Variants in C6 observed in about 807,000 individuals in gnomAD.
C6 encodes complement C6, also known as complement component C6.
In C6, 101 loss-of-function variants were observed where a neutral mutation model predicts 112.9. The ratio of observed to expected loss-of-function variants is 0.89; its 90% CI spans 0.76 to 1.06. The LOEUF (loss-of-function observed/expected upper bound fraction) is 1.06, where lower values mean the gene tolerates loss of function less well. Ranked by LOEUF, C6 falls within the 50% of genes least tolerant of loss-of-function variation. The pLI is 0.00. For missense variants in C6, 1,202 were observed against 1,104.6 expected (o/e 1.09, Z -1.25); for synonymous variants, 431 against 384.1 (o/e 1.12, Z -1.43).
chr5:41,254,687 T>A (rs969080391), intron 1 of C6, among the ~76,000 whole-genome samples: 1 of 152,198 alleles, frequency 6.6e-6, no homozygotes, highest in Admixed American at 6.5e-5. Flanking sequence ...TGTTAAGTGA[T>A]CCCTATAGAA....
chr5:41,238,484 C>A (rs143982190), intron 1 of C6, among the ~76,000 whole-genome samples: 3 of 151,994 alleles, frequency 2.0e-5, no homozygotes, highest in Non-Finnish European at 2.9e-5. Context: ...TTAACCCAGG[C>A]GAAGAGGAGA....
chr5:41,230,769 T>G (rs1410661449), intron 1 of C6, among the ~76,000 whole-genome samples: 2 of 152,170 alleles, frequency 1.3e-5, no homozygotes, highest in African/African-American at 4.8e-5. Context: ...ATCACAGTCC[T>G]ACCAATATGT....
intron 1 of C6, among the ~76,000 whole-genome samples, chr5:41,207,859 A>G (rs570864320): frequency 6.6e-6 from 1 of 152,324 alleles, no homozygotes; most frequent in East Asian, 1.9e-4. Flanking sequence ...AATTGAACTC[A>G]GCTCTGCACC....
At chr5:41,171,901 A>T (rs1748453124) in intron 9 of C6, among the ~76,000 whole-genome samples, 1 of 152,084 alleles carries the variant, frequency 6.6e-6, no homozygotes, top group African/African-American at 2.4e-5. Flanking sequence ...ATGGATGTTT[A>T]TATGTTTCTT....
chr5:41,235,154 C>G (rs1359174436), intron 1 of C6, among the ~76,000 whole-genome samples: 1 of 145,018 alleles, frequency 6.9e-6, no homozygotes, highest in African/African-American at 2.6e-5. Context: ...CATACATGTG[C>G]CATGCTGGTG....
At position 41,203,241 on chromosome 5, in the gene C6, C is replaced by T. The variant is rs1751175467; in HGVS notation, c.-11G>A. 2 of 1,613,788 alleles carry T rather than the reference C, an allele frequency of 1.2e-6. No homozygotes were observed. Among genetic ancestry groups the T allele is most frequent in the African/African-American group, 1.3e-5 (1 of 74,926 alleles). ...AGAGCGTCTGGCCATGCCTTGAGAG[C>T]CTCCAGGCCCTAAAATGAAAGAATA... is the stretch of plus-strand genomic sequence containing the variant. On this transcript the variant is annotated 5_prime_UTR_variant, in exon 2 of 18. Coordinates refer to ENST00000337836, the MANE Select transcript of C6 (RefSeq NM_000065.5).
upstream of C6, among the ~76,000 whole-genome samples, chr5:41,214,230 C>T (rs117662534): frequency 1.4e-3 from 209 of 152,262 alleles, 6 homozygotes; most frequent in East Asian, 0.038. Flanking sequence ...AATCACTATA[C>T]CTCATTGGAA....
intron 1 of C6, among the ~76,000 whole-genome samples, chr5:41,239,342 C>T (rs539553632): frequency 1.1e-4 from 16 of 152,006 alleles, no homozygotes; most frequent in African/African-American, 3.4e-4. Context: ...GAACTCCTGA[C>T]CTCAAGTGAT....
At chr5:41,179,341 A>G (rs1273503089) in intron 7 of C6, among the ~76,000 whole-genome samples, 1 of 152,218 alleles carries the variant, frequency 6.6e-6, no homozygotes, top group East Asian at 1.9e-4. Flanking sequence ...CATATAAATC[A>G]CATACGTGAA....
chr5:41,184,101 G>T (rs1384748500), intron 6 of C6, among the ~76,000 whole-genome samples: 1 of 151,066 alleles, frequency 6.6e-6, no homozygotes, highest in Non-Finnish European at 1.5e-5. Context: ...TGACAAACTC[G>T]CATATGTATT....
chr5:41,252,350 C>T (rs1467222634), intron 1 of C6, among the ~76,000 whole-genome samples: 1 of 152,130 alleles, frequency 6.6e-6, no homozygotes, highest in East Asian at 1.9e-4. Context: ...AAAATTAGTT[C>T]AGGCCTTGTT....
chr5:41,209,183 A>C (rs111242021), intron 1 of C6, among the ~76,000 whole-genome samples: 16,411 of 152,230 alleles, frequency 0.11, 870 homozygotes, highest in African/African-American at 0.14. Context: ...CTTCATGCTA[A>C]AAACTCTCAA....
At chr5:41,157,766 G>A (rs992228100) in intron 13 of C6, among the ~76,000 whole-genome samples, 2 of 152,102 alleles carry the variant, frequency 1.3e-5, no homozygotes, top group African/African-American at 4.8e-5. Flanking sequence ...AATGATCTGT[G>A]TTTTACCAGG....
chr5:41,171,862 T>G (rs1748449445), intron 9 of C6, among the ~76,000 whole-genome samples: 1 of 152,164 alleles, frequency 6.6e-6, no homozygotes, highest in African/African-American at 2.4e-5. Context: ...ACTATACCTC[T>G]CTTAGACCCT....
chr5:41,159,573 T>C (rs77666801), intron 11 of C6: 18,910 of 409,500 alleles, frequency 0.046, 456 homozygotes, highest in Middle Eastern at 0.085. Flanking sequence ...TGTGTATAAA[T>C]ATAAACATCT....
chr5:41,143,098 A>C, intron 17 of C6, 92 bp from the exon 18 acceptor site: 1 of 1,122,574 alleles, frequency 8.9e-7, no homozygotes, highest in Non-Finnish European at 1.3e-6. Context: ...GAGCTCCTTG[A>C]TGGTGTTAAA....
At chr5:41,223,435 C>T (rs1739299845) in intron 1 of C6, among the ~76,000 whole-genome samples, 1 of 152,162 alleles carries the variant, frequency 6.6e-6, no homozygotes, top group Non-Finnish European at 1.5e-5. Flanking sequence ...TCCCAGGGTA[C>T]CAAGCAAAAC....
chr5:41,171,523 T>C (rs1319026649), intron 9 of C6, among the ~76,000 whole-genome samples: 1 of 152,086 alleles, frequency 6.6e-6, no homozygotes, highest in Non-Finnish European at 1.5e-5. Flanking sequence ...GTAGAGATGT[T>C]TAGTGGACAG....
chr5:41,205,479 A>C (rs1751362938), intron 1 of C6, among the ~76,000 whole-genome samples: 1 of 152,208 alleles, frequency 6.6e-6, no homozygotes, highest in South Asian at 2.1e-4. Flanking sequence ...AGCCAAGGGA[A>C]GCCATTACAG....
Sources: gnomAD v4.1 joint callset for allele counts (sites outside exome capture counted in the v4.1 genomes callset) on GRCh38, gnomAD v4.1.1 for gene constraint, MANE v1.5 for transcripts, NCBI Gene and HGNC (gene_info 2026-07-23, HGNC 2026-07-21) for gene names.